The following KNDC1 variants were observed in gnomAD, a reference collection of about 807,000 sequenced individuals.
KNDC1 encodes the protein kinase non-catalytic C-lobe domain-containing protein 1.
KNDC1 carries 106 observed loss-of-function variants against 172.8 expected under a neutral mutation model. The ratio of observed to expected loss-of-function variants is 0.61; its 90% CI spans 0.52 to 0.72. The LOEUF (loss-of-function observed/expected upper bound fraction) is 0.72. KNDC1 is among the 30% of genes least tolerant of loss of function. The pLI is 0.00. For missense variants in KNDC1, 2,325 were observed against 2,394.5 expected (o/e 0.97, Z 0.61); for synonymous variants, 1,083 against 1,062.2 (o/e 1.02, Z -0.38).
At chr10:133,184,489 CAT>C (rs1480353418) in intron 5 of KNDC1, among the ~76,000 whole-genome samples, 14 of 152,264 alleles carry the variant, frequency 9.2e-5, no homozygotes, top group Non-Finnish European at 1.2e-4. Context: ...AAATAGATCA[CAT>C]GTGCCTCGTA....
chr10:133,167,676 G>T, intron 2 of KNDC1, 97 bp downstream of exon 2: 1 of 1,329,776 alleles, frequency 7.5e-7, no homozygotes. Flanking sequence ...AGCAGATGCT[G>T]GGAGCATGCC....
intron 16 of KNDC1, among the ~76,000 whole-genome samples, chr10:133,201,256 C>T (rs1297143111): frequency 2.0e-5 from 3 of 152,178 alleles, no homozygotes; most frequent in Non-Finnish European, 2.9e-5. Flanking sequence ...GCAGTGAGGG[C>T]GCAGAGTGGG....
intron 5 of KNDC1, among the ~76,000 whole-genome samples, chr10:133,185,715 T>A (rs1341612770): frequency 6.7e-6 from 1 of 148,638 alleles, no homozygotes; most frequent in Admixed American, 6.7e-5. Context: ...CCGCCTGGCC[T>A]GGGGGAGAGG....
intron 9 of KNDC1, among the ~76,000 whole-genome samples, chr10:133,191,138 A>G (rs1364332003): frequency 1.3e-5 from 2 of 152,168 alleles, no homozygotes; most frequent in East Asian, 3.9e-4. Context: ...CAGGAGTTCG[A>G]GACCAGCCTG....
At chr10:133,180,865 T>G (rs539840630) in intron 3 of KNDC1, among the ~76,000 whole-genome samples, 3 of 152,332 alleles carry the variant, frequency 2.0e-5, no homozygotes, top group Non-Finnish European at 2.9e-5. Context: ...CATTCATAAT[T>G]ACAAAAATGC....
At chr10:133,213,128 GTCC>G (rs10608595) in intron 24 of KNDC1, among the ~76,000 whole-genome samples, 42,387 of 152,118 alleles carry the variant, frequency 0.28, 6,454 homozygotes, top group Middle Eastern at 0.35. Context: ...GCAAAGCTGA[GTCC>G]TCCTCTCCAG....
Position 133,198,848 on chromosome 10 carries a change from T to C in KNDC1, c.2340T>C (p.Ser780=), listed in dbSNP as rs1279842224. ...PEGASSAAPG[S]PVPAPPTKAS... ...GGGCCTCATCGGCAGCTCCCGGCTC[T>C]CCAGTCCCCGCCCCGCCCACGAAGG... The change falls in exon 14 of 30, where the codon TCT becomes TCC. Residue 780 remains serine (S), a synonymous_variant. Transcript: ENST00000304613. The C allele has an allele frequency of 1.3e-6, 2 of 1,598,722 alleles. No individual in the cohort carries two copies. Among genetic ancestry groups the C allele is most frequent in the Non-Finnish European group, 1.7e-6 (2 of 1,175,444 alleles).
At chr10:133,168,523 C>T (rs747551065) in intron 3 of KNDC1, among the ~76,000 whole-genome samples, 5 of 151,870 alleles carry the variant, frequency 3.3e-5, no homozygotes, top group Non-Finnish European at 7.4e-5. Flanking sequence ...GTGGGCAGCT[C>T]GGACTGTGGG....
intron 3 of KNDC1, among the ~76,000 whole-genome samples, chr10:133,170,297 C>T (rs1472438646): frequency 2.6e-5 from 4 of 152,142 alleles, no homozygotes; most frequent in Non-Finnish European, 5.9e-5. Flanking sequence ...ACTGCAGGCC[C>T]GAGAACACGG....
chr10:133,184,080 GCACA>G (rs891409641), intron 5 of KNDC1, 91 bp downstream of exon 5: 30 of 654,644 alleles, frequency 4.6e-5, no homozygotes, highest in Admixed American at 2.0e-4. Flanking sequence ...ACACACCCAT[GCACA>G]CACACACACT....
In KNDC1 at chr10:133,188,565, C is replaced by G. The variant is rs1165013120; in HGVS notation, c.1353C>G (p.Ser451=). ...EQWVSLQDLL[S]QLGRPFREYE... ...GGGTGTCCCTGCAGGACCTCCTGTC[C>G]CAGCTGGGCCGGCCCTTCCGGGAGT... Residue 451 remains serine (S), a synonymous_variant, in exon 7 of 30, where the codon TCC becomes TCG. Coordinates refer to ENST00000304613, the MANE Select transcript of KNDC1 (RefSeq NM_152643.8). 6.3e-7 allele frequency: 1 copy of G among 1,581,344 alleles called. No individual in the cohort carries two copies. Among genetic ancestry groups the G allele is most frequent in the South Asian group, 1.2e-5 (1 of 86,652 alleles).
intron 3 of KNDC1, among the ~76,000 whole-genome samples, chr10:133,180,812 G>T (rs1196399205): frequency 6.6e-6 from 1 of 152,214 alleles, no homozygotes; most frequent in East Asian, 1.9e-4. Flanking sequence ...GGATTTAGAG[G>T]AAAAATTAAA....
chr10:133,185,354 TAGGCAG>T (rs1320654347), intron 5 of KNDC1, among the ~76,000 whole-genome samples: 44 of 101,632 alleles, frequency 4.3e-4, no homozygotes, highest in East Asian at 1.4e-3. Context: ...CAGTGTGGAG[TAGGCAG>T]TGTGTACAGT....
rs990599656 is a variant in KNDC1, at chr10:133,224,942, C to T, written c.*52C>T. On this transcript the variant is annotated 3_prime_UTR_variant, in exon 30 of 30. Transcript: ENST00000304613. This position sits in a 1 kb window ranked among gnomAD's most constrained non-coding sequence, Gnocchi z 5.4. ...CAGATCCGAATCCGACTGTGGGGGG[C>T]GGGCTGGGAGGTGGGAGCCGCGTCT... 8 of 1,444,614 alleles carry T rather than the reference C, an allele frequency of 5.5e-6. No homozygotes were observed. In the African/African-American group the frequency reaches 5.6e-5, roughly 10 times the overall value. 89.5% of individuals were successfully genotyped at this position (1,444,614 alleles called of 1,614,324 possible). A position where few individuals can be genotyped will look rare whatever the true frequency, so the allele number is the denominator to read the frequency against.
chr10:133,210,633 G>A lies in KNDC1; in HGVS notation c.3817G>A (p.Val1273Met), dbSNP rs1328716346. 1 of 1,602,242 alleles carries A rather than the reference G, an allele frequency of 6.2e-7. No homozygotes were observed. The highest frequency in any genetic ancestry group is 8.5e-7 in the Non-Finnish European group (1 of 1,170,530). ...YSSDAFLEGY[V>M]QQFLYTFRYF... ...CAGTGATGCCTTCCTGGAGGGTTAT[G>A]TGCAGCAATTCCTCTACACCTTCCG... Residue 1273 changes from valine (V) to methionine (M), a missense_variant, in exon 21 of 30, where the codon GTG (valine) becomes ATG (methionine). Transcript: ENST00000304613.
Position 133,224,653 on chromosome 10 carries a change from C to T in KNDC1, c.5019-6C>T, listed in dbSNP as rs774950328. 24 of 1,611,614 alleles carry T rather than the reference C, an allele frequency of 1.5e-5. No homozygotes were observed. The highest frequency in any genetic ancestry group is 8.9e-5 in the East Asian group (4 of 44,868). ...AAACTAACGTCTCTTCTTTCCTCAACGGAAGGAACATCGCAAAGGTGGTGA... is the reference window on the plus strand; with the variant it reads ...AAACTAACGTCTCTTCTTTCCTCAATGGAAGGAACATCGCAAAGGTGGTGA... On this transcript the variant is annotated splice_region_variant and splice_polypyrimidine_tract_variant and intron_variant, in intron 29 of 29. Coordinates refer to ENST00000304613, the MANE Select transcript of KNDC1 (RefSeq NM_152643.8). The surrounding 1 kb of genome is among the most constrained non-coding windows in gnomAD (Gnocchi z 5.4).
chr10:133,223,320 CGT>C lies in KNDC1; in HGVS notation c.5019-1323_5019-1322del, dbSNP rs752226804. Among the ~76,000 whole-genome samples the C allele has an allele frequency of 3.0e-3, 121 of 40,660 alleles. 7 individuals carry two copies. Among genetic ancestry groups the C allele is most frequent in the African/African-American group, 9.2e-3 (111 of 12,028 alleles). The allele number at this position is 40,660 out of a possible 152,430, so 26.7% of individuals were successfully genotyped here. ...GCCCATCCAGGCATGCTGTTCCCGG[CGT>C]GTGTGTGTGTGTGTGAGAGCCCATC... On this transcript the variant is annotated intron_variant, in intron 29 of 29. Transcript: ENST00000304613.
rs150239103 is a variant in KNDC1, at chr10:133,198,386, C to A, written c.1956C>A (p.Pro652=). 2 of 1,597,338 alleles carry A rather than the reference C, an allele frequency of 1.3e-6. No homozygotes were observed. Among genetic ancestry groups the A allele is most frequent in the East Asian group, 2.3e-5 (1 of 44,068 alleles). The part of the protein sequence containing the change: ...SDTGLVAVPG[P]VPGQHPCGEE... Reference sequence around the variant, plus strand: ...CCGGGCTTGTGGCTGTGCCAGGGCCCGTGCCCGGCCAGCACCCCTGCGGTG... The same window carrying A: ...CCGGGCTTGTGGCTGTGCCAGGGCCAGTGCCCGGCCAGCACCCCTGCGGTG... The change falls in exon 13 of 30, where the codon CCC becomes CCA. Residue 652 remains proline, a synonymous_variant. Coordinates refer to ENST00000304613, the MANE Select transcript of KNDC1 (RefSeq NM_152643.8).
At position 133,186,259 on chromosome 10, in the gene KNDC1, A is replaced by T. The variant is rs1342089346; in HGVS notation, c.911A>T (p.Lys304Met). 1 of 1,603,418 alleles carries T rather than the reference A, an allele frequency of 6.2e-7. No homozygotes were observed. The highest frequency in any genetic ancestry group is 1.1e-5 in the South Asian group (1 of 89,916). The part of the protein sequence containing the change: ...RDALRRSRLR[K>M]VQTFPRLLSD... ...GCCCTCAGGAGAAGCCGCCTGCGGA[A>T]GGTGCAGACGTTCCCTAGGCTGCTG... The change falls in exon 6 of 30, where the codon AAG becomes ATG. Residue 304 changes from lysine (K) to methionine (M), a missense_variant. Lys to Met is a moderately conservative substitution (Grantham distance 95). Coordinates refer to ENST00000304613, the MANE Select transcript of KNDC1 (RefSeq NM_152643.8).
Sources: allele counts gnomAD v4.1 joint callset (sites outside exome capture counted in the v4.1 genomes callset), GRCh38; gene constraint gnomAD v4.1.1; non-coding constraint Gnocchi (gnomAD v3.1); transcripts MANE v1.5; gene names NCBI Gene and HGNC (gene_info 2026-07-23, HGNC 2026-07-21).